Variants in APLF observed in about 807,000 individuals in gnomAD.
APLF encodes aprataxin and PNK-like factor.
In APLF, 61 loss-of-function variants were observed where a neutral mutation model predicts 55.6. The ratio of observed to expected loss-of-function variants is 1.10; its 90% CI spans 0.89 to 1.36. The LOEUF (loss-of-function observed/expected upper bound fraction) is 1.36. Among genes scored for constraint, APLF ranks in the 40% most tolerant of loss-of-function variants. APLF has a pLI of 0.00. For missense variants in APLF, 611 were observed against 602.5 expected (o/e 1.01, Z -0.15); for synonymous variants, 207 against 214.8 (o/e 0.96, Z 0.32).
At chr2:68,527,661 G>A (rs763294351) in intron 6 of APLF, among the ~76,000 whole-genome samples, 4 of 149,528 alleles carry the variant, frequency 2.7e-5, no homozygotes, top group Non-Finnish European at 5.9e-5. Flanking sequence ...CAGACAGGGC[G>A]GCGGCCTGGC....
intron 9 of APLF, among the ~76,000 whole-genome samples, chr2:68,575,411 C>T (rs1289900621): frequency 6.6e-6 from 1 of 152,104 alleles, no homozygotes; most frequent in African/African-American, 2.4e-5. Flanking sequence ...GTCTTCAAAG[C>T]TGAGACCTGT....
chr2:68,531,452 C>G (rs1421334248), intron 6 of APLF: 1 of 152,178 alleles, frequency 6.6e-6, no homozygotes, highest in Non-Finnish European at 1.5e-5. Context: ...ATATATTCTC[C>G]TCACTCCTAC....
In APLF at chr2:68,529,161, T is replaced by A; in HGVS notation, c.804+2919T>A. The A allele has an allele frequency of 7.7e-7, 1 of 1,301,356 alleles. No individual in the cohort carries two copies. Among genetic ancestry groups the A allele is most frequent in the Admixed American group, 2.1e-5 (1 of 46,912 alleles). 80.6% of individuals were successfully genotyped at this position (1,301,356 alleles called of 1,614,324 possible). On this transcript the variant is annotated intron_variant, in intron 6 of 9. Coordinates refer to ENST00000303795, the MANE Select transcript of APLF (RefSeq NM_173545.3). The surrounding 1 kb of genome is among the most constrained non-coding windows in gnomAD (Gnocchi z 4.4). Reference sequence around the variant, plus strand: ...CGAGCAGACAGCACGGGTTTCTTCCTTGAGGGGGGGCTCCAGACAACAGGA... The same window carrying A: ...CGAGCAGACAGCACGGGTTTCTTCCATGAGGGGGGGCTCCAGACAACAGGA...
chr2:68,478,219 C>G (rs2103882333), intron 1 of APLF, among the ~76,000 whole-genome samples: 1 of 151,394 alleles, frequency 6.6e-6, no homozygotes, highest in South Asian at 2.1e-4. Context: ...TTGATATATA[C>G]AGTAGATTAA....
intron 6 of APLF, chr2:68,528,396 A>G (rs1670144113): frequency 6.5e-6 from 10 of 1,534,322 alleles, no homozygotes; most frequent in Non-Finnish European, 8.7e-6. Context: ...GGAGATAGAC[A>G]TGGAAGCTTA....
At chr2:68,484,074 GACTTTGAT>G (rs1676053114) in intron 1 of APLF, among the ~76,000 whole-genome samples, 1 of 152,102 alleles carries the variant, frequency 6.6e-6, no homozygotes, top group Non-Finnish European at 1.5e-5. Context: ...ACAGATCACA[GACTTTGAT>G]ACAAAATATC....
chr2:68,478,785 G>A (rs1006663124), intron 1 of APLF, among the ~76,000 whole-genome samples: 1 of 152,116 alleles, frequency 6.6e-6, no homozygotes, highest in African/African-American at 2.4e-5. Context: ...GGGATTTAAG[G>A]CAGGAAAGGA....
intron 7 of APLF, 103 bp downstream of exon 7, chr2:68,538,330 C>A: frequency 9.5e-7 from 1 of 1,050,950 alleles, no homozygotes; most frequent in Non-Finnish European, 1.3e-6. Context: ...ACCCACTGGC[C>A]TAAAGGTTAG....
chr2:68,502,365 G>A (rs1282213254), intron 2 of APLF, among the ~76,000 whole-genome samples: 5 of 152,032 alleles, frequency 3.3e-5, no homozygotes, highest in Admixed American at 2.6e-4. Flanking sequence ...ATGGAAGTTG[G>A]GGGACTCAGT....
intron 2 of APLF, among the ~76,000 whole-genome samples, chr2:68,499,901 T>G (rs1385677706): frequency 6.6e-6 from 1 of 152,192 alleles, no homozygotes; most frequent in Admixed American, 6.6e-5. Context: ...TAAACATACT[T>G]TAAAAAAATC....
intron 2 of APLF, among the ~76,000 whole-genome samples, chr2:68,501,588 A>G (rs996668966): frequency 4.6e-5 from 7 of 152,184 alleles, no homozygotes; most frequent in Admixed American, 3.9e-4. Context: ...AAGGCACCTC[A>G]TAATAGGTCC....
chr2:68,515,904 A>T (rs181496778), intron 5 of APLF, among the ~76,000 whole-genome samples: 71 of 151,894 alleles, frequency 4.7e-4, no homozygotes, highest in Non-Finnish European at 8.7e-4. Context: ...GTTATTTTTT[A>T]AAAAATTGTT....
chr2:68,483,126 C>G (rs564674674), intron 1 of APLF, among the ~76,000 whole-genome samples: 15 of 152,216 alleles, frequency 9.9e-5, no homozygotes, highest in African/African-American at 3.4e-4. Flanking sequence ...AGGACGCCCT[C>G]CAGCAGTGGC....
intron 8 of APLF, among the ~76,000 whole-genome samples, chr2:68,557,697 A>C (rs1179041434): frequency 6.6e-6 from 1 of 152,156 alleles, no homozygotes; most frequent in African/African-American, 2.4e-5. Flanking sequence ...GGATCACCTG[A>C]GGTCAGGAGT....
intron 6 of APLF, among the ~76,000 whole-genome samples, chr2:68,536,994 G>A (rs1324500366): frequency 2.6e-5 from 4 of 151,830 alleles, no homozygotes; most frequent in Non-Finnish European, 5.9e-5. Flanking sequence ...GTGAAACCCC[G>A]TCTCTACTAA....
chr2:68,488,952 C>T (rs545825972), intron 1 of APLF, among the ~76,000 whole-genome samples: 1 of 151,722 alleles, frequency 6.6e-6, no homozygotes, highest in East Asian at 1.9e-4. Context: ...TGCACATGTA[C>T]CCTAAAACTT....
intron 6 of APLF, among the ~76,000 whole-genome samples, chr2:68,533,947 G>C (rs1413561437): frequency 6.6e-6 from 1 of 152,172 alleles, no homozygotes; most frequent in Non-Finnish European, 1.5e-5. Flanking sequence ...CACTAGAGGA[G>C]AGATTGGAAA....
chr2:68,550,114 G>C (rs1044344437), intron 8 of APLF, among the ~76,000 whole-genome samples: 63 of 151,954 alleles, frequency 4.1e-4, no homozygotes, highest in African/African-American at 1.5e-3. Flanking sequence ...AATCCTTTTA[G>C]TTTCAACTTC....
chr2:68,508,228 T>C (rs914252819), intron 3 of APLF, among the ~76,000 whole-genome samples: 10 of 151,860 alleles, frequency 6.6e-5, no homozygotes, highest in African/African-American at 1.9e-4. Context: ...ACTATGAAGC[T>C]ACAGTAATCA....
Sources: allele counts gnomAD v4.1 joint callset (sites outside exome capture counted in the v4.1 genomes callset), GRCh38; gene constraint gnomAD v4.1.1; non-coding constraint Gnocchi (gnomAD v3.1); transcripts MANE v1.5; gene names NCBI Gene and HGNC (gene_info 2026-07-23, HGNC 2026-07-21).